WWTR1: variants seen among roughly 807,000 people sequenced by gnomAD.
WWTR1 encodes WW domain containing transcription regulator 1, also known as WW domain-containing transcription regulator protein 1.
Under a neutral mutation model 40.1 loss-of-function variants are expected in WWTR1, and 13 were observed. That is an observed-to-expected ratio of 0.32 (90% CI 0.21 to 0.52). The LOEUF is 0.52. WWTR1 is among the 20% of genes least tolerant of loss of function. The pLI, the probability that WWTR1 is intolerant of heterozygous loss-of-function variation, is 0.97. For missense variants in WWTR1, 436 were observed against 523.1 expected (o/e 0.83, Z 1.63); for synonymous variants, 230 against 210.1 (o/e 1.09, Z -0.82).
chr3:149,552,363 G>A (rs1229925948), intron 3 of WWTR1, among the ~76,000 whole-genome samples: 1 of 152,182 alleles, frequency 6.6e-6, no homozygotes, highest in African/African-American at 2.4e-5. Context: ...AAGGTTAAGG[G>A]AGGTTAGAAA....
chr3:149,680,432 T>C (rs1714418107), intron 1 of WWTR1, among the ~76,000 whole-genome samples: 1 of 152,048 alleles, frequency 6.6e-6, no homozygotes, highest in South Asian at 2.1e-4. Context: ...TAATCTCAGC[T>C]ACTTGGGAGG....
intron 2 of WWTR1, among the ~76,000 whole-genome samples, chr3:149,585,520 C>T (rs1738379598): frequency 6.6e-6 from 1 of 151,756 alleles, no homozygotes; most frequent in Admixed American, 6.6e-5. Context: ...TCTAGCTAAC[C>T]ACAAGTCTCA....
intron 3 of WWTR1, among the ~76,000 whole-genome samples, chr3:149,549,370 T>C (rs1367890094): frequency 6.6e-6 from 1 of 152,308 alleles, no homozygotes; most frequent in East Asian, 1.9e-4. Context: ...GTAGTCTTCC[T>C]CCAAAAACCT....
At chr3:149,657,344 A>G in intron 1 of WWTR1, 35 bp from the exon 2 acceptor site, 12 of 1,565,652 alleles carry the variant, frequency 7.7e-6, no homozygotes, top group Non-Finnish European at 1.0e-5. Flanking sequence ...CTTTTATTTA[A>G]AGTCGGAGGA....
chr3:149,633,299 G>A (rs539187170), intron 2 of WWTR1, among the ~76,000 whole-genome samples: 1 of 152,176 alleles, frequency 6.6e-6, no homozygotes, highest in African/African-American at 2.4e-5. Context: ...TGAGGTGGGA[G>A]GATCTCTTGA....
At chr3:149,593,218 C>T (rs1027233378) in intron 2 of WWTR1, among the ~76,000 whole-genome samples, 4 of 152,192 alleles carry the variant, frequency 2.6e-5, no homozygotes, top group Non-Finnish European at 5.9e-5. Flanking sequence ...AACGTAGAAT[C>T]GAGAAGACCA....
intron 2 of WWTR1, among the ~76,000 whole-genome samples, chr3:149,643,943 T>G (rs974648432): frequency 6.6e-6 from 1 of 152,164 alleles, no homozygotes; most frequent in Non-Finnish European, 1.5e-5. Flanking sequence ...GGTCCATCAG[T>G]ACTTCTTGTT....
chr3:149,627,611 T>C (rs1344272638), intron 2 of WWTR1, among the ~76,000 whole-genome samples: 4 of 152,090 alleles, frequency 2.6e-5, no homozygotes, highest in African/African-American at 9.7e-5. Context: ...TGGTCAAAGT[T>C]TGTATTAAAC....
At chr3:149,597,445 A>AAAAG (rs1739048751) in intron 2 of WWTR1, among the ~76,000 whole-genome samples, 2 of 135,868 alleles carry the variant, frequency 1.5e-5, no homozygotes, top group Admixed American at 7.1e-5. Context: ...AAAAAAAAAA[A>AAAAG]AAGAAGAAGA....
At chr3:149,678,437 G>C (rs1714345508) in intron 1 of WWTR1, among the ~76,000 whole-genome samples, 1 of 152,124 alleles carries the variant, frequency 6.6e-6, no homozygotes, top group African/African-American at 2.4e-5. Flanking sequence ...ATGGCCAGTA[G>C]TACATTCTGC....
intron 4 of WWTR1, among the ~76,000 whole-genome samples, chr3:149,722,772 T>C (rs1715784604): frequency 6.6e-6 from 1 of 151,982 alleles, no homozygotes; most frequent in South Asian, 2.1e-4. Flanking sequence ...TCAAGTTTGC[T>C]GATTCTTCTG....
At chr3:149,619,827 T>C (rs1740185465) in intron 2 of WWTR1, among the ~76,000 whole-genome samples, 1 of 152,200 alleles carries the variant, frequency 6.6e-6, no homozygotes, top group Admixed American at 6.5e-5. Context: ...CCTTCTTGGG[T>C]TGCTGGTTAA....
Position 149,583,257 on chromosome 3 carries a change from C to T in WWTR1, c.432-10257G>A, listed in dbSNP as rs1046462057. ...CTAGGATGACAGGCATGAGCCACCA[C>T]GCCCAGCCACATGAATAGTGAATTC... On this transcript the variant is annotated intron_variant, in intron 2 of 6. Transcript: ENST00000360632. 5.3e-5 allele frequency among the ~76,000 whole-genome samples: 8 copies of T among 152,162 alleles called. No individual in the cohort carries two copies. In the East Asian group the frequency reaches 9.6e-4, roughly 18 times the overall value.
intron 5 of WWTR1, among the ~76,000 whole-genome samples, chr3:149,708,572 A>G (rs1715391326): frequency 6.6e-6 from 1 of 152,142 alleles, no homozygotes; most frequent in African/African-American, 2.4e-5. Flanking sequence ...AACATACAGT[A>G]TTTGTCTTTT....
intron 2 of WWTR1, among the ~76,000 whole-genome samples, chr3:149,588,058 C>A (rs1055569052): frequency 5.3e-5 from 8 of 152,184 alleles, no homozygotes; most frequent in African/African-American, 1.9e-4. Context: ...ATGGTTGTTG[C>A]TTTGGAATAT....
chr3:149,559,568 A>T (rs58277663), intron 3 of WWTR1, among the ~76,000 whole-genome samples: 23,771 of 152,054 alleles, frequency 0.16, 2,186 homozygotes, highest in South Asian at 0.34. Flanking sequence ...GTAAGTTTAC[A>T]ATTCTTTCAA....
At chr3:149,582,285 A>AC (rs1738182662) in intron 2 of WWTR1, among the ~76,000 whole-genome samples, 1 of 140,950 alleles carries the variant, frequency 7.1e-6, no homozygotes, top group South Asian at 2.2e-4. Flanking sequence ...CATAAGAAGG[A>AC]AAAAAAAAAA....
intron 2 of WWTR1, among the ~76,000 whole-genome samples, chr3:149,655,005 A>G (rs1713115183): frequency 1.3e-5 from 2 of 152,098 alleles, no homozygotes; most frequent in Non-Finnish European, 2.9e-5. Context: ...GGGTGCCTGT[A>G]GTCCCAGCTA....
chr3:149,537,377 G>T (rs1735885231), intron 4 of WWTR1, among the ~76,000 whole-genome samples: 1 of 152,080 alleles, frequency 6.6e-6, no homozygotes, highest in African/African-American at 2.4e-5. Context: ...TACCACTTTT[G>T]TGTTTTAAAA....
Sources: allele counts gnomAD v4.1 joint callset (sites outside exome capture counted in the v4.1 genomes callset), GRCh38; gene constraint gnomAD v4.1.1; transcripts MANE v1.5; gene names NCBI Gene and HGNC (gene_info 2026-07-23, HGNC 2026-07-21).